MCMDC2: variants seen among roughly 807,000 people sequenced by gnomAD.
MCMDC2 encodes the protein minichromosome maintenance domain-containing protein 2.
MCMDC2 carries 54 observed loss-of-function variants against 75.8 expected under a neutral mutation model. The ratio of observed to expected loss-of-function variants is 0.71; its 90% CI spans 0.57 to 0.89. The LOEUF (loss-of-function observed/expected upper bound fraction) is 0.89, where lower values mean the gene tolerates loss of function less well. MCMDC2 is among the 40% of genes least tolerant of loss of function. The pLI is 0.00. For synonymous variants in MCMDC2, 249 were observed against 274.6 expected, an observed-to-expected ratio of 0.91 and a Z score of 0.92; for missense variants, 656 against 780.4, an observed-to-expected ratio of 0.84 and a Z score of 1.90.
rs760833095 is a variant in MCMDC2 at position 66,901,217 on chromosome 8, TG to T, written c.1639del (p.Ala547GlnfsTer4). The T allele has an allele frequency of 6.2e-7, 1 of 1,613,160 alleles. No homozygotes were observed. On this transcript the variant is annotated frameshift_variant, in exon 13 of 15. Coordinates refer to ENST00000422365, the MANE Select transcript of MCMDC2 (RefSeq NM_173518.5). LOFTEE classifies it high-confidence loss of function. ...TEDFEKLLAF[A>X]KNLNVEFSLE... ...TTCACACTTTTTAGCTATTGGCTTT[TG>T]CAAAGAATTTGAATGTAGAATTCAG...
chr8:66,901,366 G>A lies in MCMDC2; in HGVS notation c.1769+18G>A. On this transcript the variant is annotated intron_variant, in intron 13 of 14. Coordinates refer to ENST00000422365, the MANE Select transcript of MCMDC2 (RefSeq NM_173518.5). ...AAATATCTGTAGGTATTCAATTCAA[G>A]ATTTTAAAATCAGCATTGAGTTTCA... The A allele has an allele frequency of 6.3e-7, 1 of 1,583,860 alleles. No individual in the cohort carries two copies. Among genetic ancestry groups the A allele is most frequent in the Non-Finnish European group, 8.6e-7 (1 of 1,166,278 alleles).
intron 9 of MCMDC2, among the ~76,000 whole-genome samples, chr8:66,886,586 A>G (rs1055354518): frequency 6.6e-6 from 1 of 152,112 alleles, no homozygotes; most frequent in Non-Finnish European, 1.5e-5. Flanking sequence ...CAACCTAGCC[A>G]ATGTGGGGAA....
At chr8:66,925,121 C>T (rs74571843), downstream of MCMDC2, among the ~76,000 whole-genome samples, 5 of 152,326 alleles carry the variant, frequency 3.3e-5, no homozygotes, top group East Asian at 9.7e-4. Context: ...CACGAAGCCT[C>T]CCGACGGTCC....
At chr8:66,873,529 A>G (rs1039423725) in intron 1 of MCMDC2, among the ~76,000 whole-genome samples, 4 of 152,126 alleles carry the variant, frequency 2.6e-5, no homozygotes, top group African/African-American at 9.7e-5. Flanking sequence ...CTCTGTTAAG[A>G]GACATTTGAG....
At chr8:66,890,211 A>T (rs1418677377) in intron 9 of MCMDC2, among the ~76,000 whole-genome samples, 4 of 152,098 alleles carry the variant, frequency 2.6e-5, no homozygotes, top group African/African-American at 9.7e-5. Flanking sequence ...GGTTACAGGC[A>T]TGTAATTACA....
rs1812345971 is a variant in MCMDC2, at chr8:66,896,255, G to A, written c.1365G>A (p.Gln455=). ...DIDQQMTFPV[Q]CSFWSFVDVD... is the part of the protein sequence containing the mutation. ...ATCAACAGATGACTTTTCCAGTTCA[G>A]TGCAGTTTTTGGTCTTTTGTTGATG... The change falls in exon 11 of 15, where the codon CAG becomes CAA. Residue 455 remains glutamine (Q), a synonymous_variant. Transcript: ENST00000422365. 1 of 1,611,802 alleles carries A rather than the reference G, an allele frequency of 6.2e-7. No individual in the cohort carries two copies.
intron 7 of MCMDC2, among the ~76,000 whole-genome samples, chr8:66,879,620 T>C (rs1811468953): frequency 6.6e-6 from 1 of 152,126 alleles, no homozygotes; most frequent in Admixed American, 6.6e-5. Flanking sequence ...AATTGACTTG[T>C]TTATGCTTAT....
downstream of MCMDC2, among the ~76,000 whole-genome samples, chr8:66,924,846 G>T (rs1387511760): frequency 2.6e-5 from 4 of 152,138 alleles, no homozygotes; most frequent in African/African-American, 9.7e-5. Flanking sequence ...TATTACGAAG[G>T]AAGGTCCAGG....
chr8:66,882,828 T>C (rs901998208), intron 8 of MCMDC2, among the ~76,000 whole-genome samples: 3 of 152,232 alleles, frequency 2.0e-5, no homozygotes, highest in Admixed American at 6.5e-5. Context: ...TGATGAATTA[T>C]AGAGGGTTTA....
intron 12 of MCMDC2, among the ~76,000 whole-genome samples, chr8:66,900,732 A>G (rs1230668353): frequency 6.6e-6 from 1 of 152,244 alleles, no homozygotes; most frequent in East Asian, 1.9e-4. Flanking sequence ...ATCTTACTAA[A>G]TCACCAAAGC....
Position 66,919,220 on chromosome 8 carries a change from G to GTGAC in MCMDC2, c.*53_*56dup, listed in dbSNP as rs1388864755. 7.0e-7 allele frequency: 1 copy of GTGAC among 1,433,452 alleles called. No homozygotes were observed. Among genetic ancestry groups the GTGAC allele is most frequent in the African/African-American group, 1.4e-5 (1 of 69,834 alleles). 88.8% of individuals were successfully genotyped at this position (1,433,452 alleles called of 1,614,324 possible). Reference sequence around the variant, plus strand: ...CCTACTTAAGCAGTGGAGAAAAAGTGTGACTATTTTGAGAGTGACTTTGAA... The same window carrying GTGAC: ...CCTACTTAAGCAGTGGAGAAAAAGTGTGACTGACTATTTTGAGAGTGACTTTGAA... On this transcript the variant is annotated 3_prime_UTR_variant, in exon 15 of 15. Transcript: ENST00000422365.
chr8:66,898,675 T>A (rs2130841197), intron 12 of MCMDC2, among the ~76,000 whole-genome samples: 1 of 150,818 alleles, frequency 6.6e-6, no homozygotes, highest in South Asian at 2.1e-4. Context: ...ACAATTTAAG[T>A]GCTAAGCTAA....
chr8:66,902,711 A>AAAAAAATATAT (rs1467425752), intron 13 of MCMDC2, among the ~76,000 whole-genome samples: 2 of 67,916 alleles, frequency 2.9e-5, no homozygotes, highest in African/African-American at 7.3e-5. Flanking sequence ...AAAAAAAAAA[A>AAAAAAATATAT]ATATATATAT....
At chr8:66,885,432 T>C (rs962608186) in intron 9 of MCMDC2, among the ~76,000 whole-genome samples, 1 of 152,168 alleles carries the variant, frequency 6.6e-6, no homozygotes, top group Non-Finnish European at 1.5e-5. Context: ...ATATAAAACT[T>C]ATTAAACATG....
chr8:66,914,527 TG>T (rs1162119814), intron 14 of MCMDC2, among the ~76,000 whole-genome samples: 1 of 152,158 alleles, frequency 6.6e-6, no homozygotes, highest in Non-Finnish European at 1.5e-5. Context: ...AGGGCCAGGG[TG>T]GCTAAAACAT....
chr8:66,877,900 T>C (rs1218712661), intron 5 of MCMDC2, among the ~76,000 whole-genome samples: 1 of 151,912 alleles, frequency 6.6e-6, no homozygotes, highest in Non-Finnish European at 1.5e-5. Context: ...CAATTTATTG[T>C]TTAATCCTAA....
intron 8 of MCMDC2, among the ~76,000 whole-genome samples, chr8:66,882,198 A>G (rs1811611267): frequency 6.6e-6 from 1 of 152,224 alleles, no homozygotes; most frequent in African/African-American, 2.4e-5. Context: ...CAGGATTTAC[A>G]GTAGGTATTA....
Position 66,877,648 on chromosome 8 carries a change from T to G in MCMDC2, c.481+104T>G, listed in dbSNP as rs1338258099. On this transcript the variant is annotated intron_variant, in intron 5 of 14. Transcript: ENST00000422365. ...GGGAAGCTGAGGAGGGAGGATCACCTGAGCTCAGGAGTTTGAGACCAGCCT... is the reference window on the plus strand; with the variant it reads ...GGGAAGCTGAGGAGGGAGGATCACCGGAGCTCAGGAGTTTGAGACCAGCCT... The G allele has an allele frequency of 3.0e-5, 24 of 793,538 alleles. No individual in the cohort carries two copies. In the East Asian group the frequency reaches 7.3e-4, roughly 24 times the overall value. 49.2% of individuals were successfully genotyped at this position (793,538 alleles called of 1,614,324 possible).
intron 4 of MCMDC2, among the ~76,000 whole-genome samples, chr8:66,876,258 C>A (rs1165753076): frequency 6.6e-6 from 1 of 152,130 alleles, no homozygotes; most frequent in Non-Finnish European, 1.5e-5. Flanking sequence ...GAGTAATTTT[C>A]TCTCATCAGC....
Sources: allele counts gnomAD v4.1 joint callset (sites outside exome capture counted in the v4.1 genomes callset), GRCh38; gene constraint gnomAD v4.1.1; transcripts MANE v1.5; gene names NCBI Gene and HGNC (gene_info 2026-07-23, HGNC 2026-07-21).